Variants in LIG1 observed in about 807,000 individuals in gnomAD.
LIG1 encodes ligase I, DNA, ATP-dependent.
A neutral mutation model predicts 115.7 loss-of-function variants in LIG1; 70 were observed. The ratio of observed to expected loss-of-function variants is 0.60; its 90% CI spans 0.50 to 0.74. The LOEUF (loss-of-function observed/expected upper bound fraction) is 0.74, where lower values mean the gene tolerates loss of function less well. Ranked by LOEUF, LIG1 falls within the 30% of genes least tolerant of loss-of-function variation. The probability of loss-of-function intolerance (pLI) is 0.00; values close to 1 mark genes in which losing one functional copy is unlikely to be tolerated. For synonymous variants in LIG1, 487 were observed against 495.3 expected (o/e 0.98, Z 0.22); for missense variants, 1,115 against 1,225.6 (o/e 0.91, Z 1.35).
intron 11 of LIG1, 40 bp downstream of exon 11, chr19:48,143,503 A>AGGGGGGGGGGGGGGGGGGGGGG: frequency 1.4e-6 from 1 of 692,832 alleles, no homozygotes; most frequent in Non-Finnish European, 2.6e-6. Context: ...CAGACCCAGA[A>AGGGGGGGGGGGGGGGGGGGGGG]GCGACCCCGC....
Position 48,131,171 on chromosome 19 carries a change from T to A in LIG1, c.1726A>T (p.Ile576Phe), listed in dbSNP as rs2033998637. Residue 576 changes from isoleucine (I) to phenylalanine (F), a missense_variant and splice_region_variant, in exon 19 of 28, where the codon ATC (isoleucine) becomes TTC (phenylalanine). Coordinates refer to ENST00000263274, the MANE Select transcript of LIG1 (RefSeq NM_000234.3). ...EYKYDGQRAQIHALEGGEVKI... is the reference protein window; with the variant it reads ...EYKYDGQRAQFHALEGGEVKI... Reference sequence around the variant, plus strand: ...ACCTCCCCGCCTTCCAGGGCGTGGATCTGTCACGATGGGAGAAGGGAGGGG... The same window carrying A: ...ACCTCCCCGCCTTCCAGGGCGTGGAACTGTCACGATGGGAGAAGGGAGGGG... 6.2e-7 allele frequency: 1 copy of A among 1,612,564 alleles called. No homozygotes were observed. Among genetic ancestry groups the A allele is most frequent in the African/African-American group, 1.3e-5 (1 of 74,892 alleles).
rs2034638331 is a variant in LIG1, at chr19:48,140,032, C to T, written c.1026G>A (p.Gln342=). The change falls in exon 12 of 28, where the codon CAG becomes CAA. Residue 342 remains glutamine, a synonymous_variant. Transcript: ENST00000263274. The part of the protein sequence containing the change: ...YLSLNHLGPP[Q]QGLELGVGDG... ...CACCCACGCCAAGCTCCAGGCCCTG[C>T]TGGGGTGGCCCAAGGTGGTTGAGGC... 3 of 1,614,104 alleles carry T rather than the reference C, an allele frequency of 1.9e-6. No homozygotes were observed. Among genetic ancestry groups the T allele is most frequent in the South Asian group, 1.1e-5 (1 of 91,088 alleles).
Position 48,117,778 on chromosome 19 carries a change from G to A in LIG1, c.2443C>T (p.Leu815=). 1 of 1,612,466 alleles carries A rather than the reference G, an allele frequency of 6.2e-7. No individual in the cohort carries two copies. The highest frequency in any genetic ancestry group is 1.3e-5 in the African/African-American group (1 of 75,056). Residue 815 remains leucine (L), a synonymous_variant, in exon 26 of 28, where the codon CTG becomes TTG. Transcript: ENST00000263274. ...LEEHHQSLKA[L]VLPSPRPYVR... ...TAAGGGCGTGGGCTGGGCAGCACCA[G>A]CGCCTGCAGTGAGCAGAGGAAGAGA...
At chr19:48,134,099 G>A in intron 16 of LIG1, 33 bp from the exon 17 acceptor site, 1 of 1,529,490 alleles carries the variant, frequency 6.5e-7, no homozygotes, top group Non-Finnish European at 8.9e-7. Context: ...GATAGGGGAA[G>A]CCTTTCTAGA....
At chr19:48,161,115 A>G (rs1352176305) in intron 4 of LIG1, 2 of 554,838 alleles carry the variant, frequency 3.6e-6, no homozygotes, top group East Asian at 3.2e-5. Flanking sequence ...CAGTCACCCT[A>G]TGAGGAAGGT....
chr19:48,151,394 G>T, intron 6 of LIG1, 55 bp from the exon 7 acceptor site: 1 of 1,077,172 alleles, frequency 9.3e-7, no homozygotes, highest in Non-Finnish European at 1.4e-6. Context: ...ACCTACAAGG[G>T]CATTTTGACT....
At chr19:48,127,701 C>T (rs577373283) in intron 20 of LIG1, 21 of 651,150 alleles carry the variant, frequency 3.2e-5, no homozygotes, top group Middle Eastern at 4.2e-4. Context: ...CAGAGATGCC[C>T]GAAAAGGGCC....
In LIG1 at chr19:48,132,996, C is replaced by T. The variant is rs1242672789; in HGVS notation, c.1711G>A (p.Gly571Arg). 5 of 1,612,376 alleles carry T rather than the reference C, an allele frequency of 3.1e-6. No individual in the cohort carries two copies. Among genetic ancestry groups the T allele is most frequent in the African/African-American group, 1.3e-5 (1 of 74,846 alleles). Residue 571 changes from glycine (G) to arginine (R), a missense_variant, in exon 18 of 28, where the codon GGG (glycine) becomes AGG (arginine). Coordinates refer to ENST00000263274, the MANE Select transcript of LIG1 (RefSeq NM_000234.3). ...AAFTCEYKYD[G>R]QRAQIHALEG... ...ACTCCCCATACCTGTGCCCTCTGCC[C>T]GTCATATTTGTATTCGCAGGTGAAA...
chr19:48,165,545 C>T lies in LIG1; in HGVS notation c.17+5G>A, dbSNP rs1401973122. ...AAAGACTCAGGGGCAAGGGAGGGTG[C>T]TCACATGATACTTCGCTGCATGTTG... On this transcript the variant is annotated splice_donor_5th_base_variant and intron_variant, in intron 2 of 27. Transcript: ENST00000263274. 6.8e-6 allele frequency: 11 copies of T among 1,609,734 alleles called. No homozygotes were observed. Among genetic ancestry groups the T allele is most frequent in the Non-Finnish European group, 9.4e-6 (11 of 1,176,044 alleles).
At chr19:48,166,795 A>C (rs59538884) in intron 1 of LIG1, among the ~76,000 whole-genome samples, 6,523 of 151,574 alleles carry the variant, frequency 0.043, 331 homozygotes, top group African/African-American at 0.11. Flanking sequence ...GCATGGTGAA[A>C]CCTCATCTCT....
chr19:48,119,823 G>T (rs555932605), intron 24 of LIG1, among the ~76,000 whole-genome samples: 2 of 152,148 alleles, frequency 1.3e-5, no homozygotes, highest in East Asian at 1.9e-4. Flanking sequence ...GATTACAGGC[G>T]TGAGTGGCCA....
chr19:48,150,631 T>G (rs562285752), intron 7 of LIG1, among the ~76,000 whole-genome samples: 2 of 152,366 alleles, frequency 1.3e-5, no homozygotes, highest in East Asian at 3.9e-4. Flanking sequence ...CTCAGTTTGG[T>G]TGTCTAACTT....
At chr19:48,166,164 A>AG (rs2036471240) in intron 1 of LIG1, among the ~76,000 whole-genome samples, 1 of 152,218 alleles carries the variant, frequency 6.6e-6, no homozygotes. Flanking sequence ...TGGGAGGCCG[A>AG]GGTGGGTGGA....
At chr19:48,145,788 TGAC>T (rs2035074335) in intron 9 of LIG1, 1 of 152,204 alleles carries the variant, frequency 6.6e-6, no homozygotes, top group Non-Finnish European at 1.5e-5. Context: ...GCAGTTACCG[TGAC>T]AACATGCTGG....
Position 48,145,213 on chromosome 19 carries a change from G to C in LIG1, c.777-1250C>G, listed in dbSNP as rs112919836. 4.5e-3 allele frequency among the ~76,000 whole-genome samples: 683 copies of C among 152,168 alleles called. 7 individuals carry two copies. The highest frequency in any genetic ancestry group is 7.1e-3 in the Non-Finnish European group (482 of 67,990). On this transcript the variant is annotated intron_variant, in intron 9 of 27. Coordinates refer to ENST00000263274, the MANE Select transcript of LIG1 (RefSeq NM_000234.3). ...TGCGCCCGGCCTCAACCTTTATATC[G>C]TAAGTAGCTCACACTGACCCCAGCC...
chr19:48,135,245 G>T (rs1409138529), intron 16 of LIG1, among the ~76,000 whole-genome samples: 1 of 152,180 alleles, frequency 6.6e-6, no homozygotes, highest in Non-Finnish European at 1.5e-5. Context: ...GGGTTCAAAT[G>T]ATTCTTGTGC....
chr19:48,165,471 G>GT, intron 2 of LIG1, 79 bp downstream of exon 2: 6 of 1,172,080 alleles, frequency 5.1e-6, no homozygotes, highest in Admixed American at 1.7e-5. Context: ...TTGTTTGTTT[G>GT]TTTTTTTAAG....
Position 48,155,603 on chromosome 19 carries a change from A to G in LIG1, c.370+1411T>C, listed in dbSNP as rs149481324. On this transcript the variant is annotated intron_variant, in intron 5 of 27. Transcript: ENST00000263274. ...AAAGATCTGGCAAGCCACGTATGTA[A>G]CCTTAAACTTTCTTGCAGCCACGTT... 1.6e-3 allele frequency among the ~76,000 whole-genome samples: 246 copies of G among 152,278 alleles called. 1 individual carries two copies. The highest frequency in any genetic ancestry group is 2.7e-3 in the Non-Finnish European group (186 of 68,024).
intron 16 of LIG1, among the ~76,000 whole-genome samples, chr19:48,134,766 G>A (rs963964071): frequency 1.3e-5 from 2 of 152,268 alleles, no homozygotes; most frequent in African/African-American, 4.8e-5. Flanking sequence ...AGAGCCCCAC[G>A]TGCAGGCAGA....
Sources: gnomAD v4.1 joint callset for allele counts (sites outside exome capture counted in the v4.1 genomes callset) on GRCh38, gnomAD v4.1.1 for gene constraint, MANE v1.5 for transcripts, NCBI Gene and HGNC (gene_info 2026-07-23, HGNC 2026-07-21) for gene names.